Variants in CLEC2A observed in about 807,000 individuals in gnomAD.
CLEC2A encodes the protein C-type lectin domain family 2 member A.
CLEC2A carries 19 observed loss-of-function variants against 18.6 expected under a neutral mutation model. That is an observed-to-expected ratio of 1.02 (90% CI 0.71 to 1.50). The LOEUF (loss-of-function observed/expected upper bound fraction) is 1.50. Ranked by LOEUF, CLEC2A falls within the 40% of genes most tolerant of loss-of-function variation. CLEC2A has a pLI of 0.00. For missense variants in CLEC2A, 190 were observed against 207.9 expected (o/e 0.91, Z 0.53); for synonymous variants, 74 against 64.0 (o/e 1.16, Z -0.75).
chr12:9,895,618 T>C, downstream of CLEC2A: 1 of 1,386,750 alleles, frequency 7.2e-7, no homozygotes, highest in Non-Finnish European at 9.5e-7. Flanking sequence ...AAAGTTTGGC[T>C]GGAGAAAACT....
intron 4 of CLEC2A, among the ~76,000 whole-genome samples, chr12:9,906,337 G>A (rs569375927): frequency 3.9e-5 from 6 of 152,170 alleles, no homozygotes; most frequent in Admixed American, 6.5e-5. Flanking sequence ...GCACTTCAGA[G>A]GAAATAGCAG....
intron 4 of CLEC2A, among the ~76,000 whole-genome samples, chr12:9,914,151 C>G (rs1485781046): frequency 2.6e-5 from 4 of 152,146 alleles, no homozygotes; most frequent in African/African-American, 9.7e-5. Flanking sequence ...TTACTTGGTA[C>G]TTTTGAAACA....
At chr12:9,880,333 C>T in the CLEC2A span, among the ~76,000 whole-genome samples, 355 of 152,196 alleles carry the variant, frequency 2.3e-3, 10 homozygotes, top group East Asian at 0.061. Flanking sequence ...AGAATGGACG[C>T]GGCGTGTGTA....
chr12:9,881,595 G>A, the CLEC2A span: 2 of 1,529,152 alleles, frequency 1.3e-6, no homozygotes, highest in Non-Finnish European at 8.8e-7. Context: ...CATTTGAAGA[G>A]ATGGAGAATG....
downstream of CLEC2A, among the ~76,000 whole-genome samples, chr12:9,909,501 G>A (rs1026997875): frequency 5.9e-5 from 9 of 152,104 alleles, no homozygotes; most frequent in African/African-American, 1.7e-4. Context: ...ATTGATCACC[G>A]ACCTGATCTG....
intron 4 of CLEC2A, among the ~76,000 whole-genome samples, chr12:9,901,432 T>A (rs905786567): frequency 3.9e-5 from 6 of 152,330 alleles, no homozygotes; most frequent in Admixed American, 2.6e-4. Flanking sequence ...TAACCTAACA[T>A]AACAACTTTA....
the CLEC2A span, chr12:9,893,310 A>G: frequency 1.2e-6 from 1 of 861,482 alleles, no homozygotes; most frequent in Non-Finnish European, 1.7e-6. Context: ...TTCATGAAAA[A>G]AATGCTAATG....
At chr12:9,897,513 A>T (rs1184294419), downstream of CLEC2A, among the ~76,000 whole-genome samples, 2 of 151,828 alleles carry the variant, frequency 1.3e-5, no homozygotes, top group African/African-American at 4.8e-5. Flanking sequence ...ACGTGGACAC[A>T]TTGAAAAGTG....
chr12:9,887,944 T>C, the CLEC2A span, among the ~76,000 whole-genome samples: 2 of 149,528 alleles, frequency 1.3e-5, no homozygotes, highest in African/African-American at 4.9e-5. Context: ...TACTCCCAAC[T>C]ACTTGGGAAG....
the CLEC2A span, among the ~76,000 whole-genome samples, chr12:9,888,467 G>T: frequency 6.6e-6 from 1 of 151,530 alleles, no homozygotes; most frequent in African/African-American, 2.4e-5. Flanking sequence ...TGCAGCCTGG[G>T]CAACAGAGTG....
chr12:9,880,507 C>G, the CLEC2A span, among the ~76,000 whole-genome samples: 2 of 150,838 alleles, frequency 1.3e-5, no homozygotes, highest in East Asian at 3.9e-4. Context: ...GTAGCAGAAA[C>G]AGAACCATTA....
At chr12:9,904,525 G>T (rs1216324221) in intron 4 of CLEC2A, among the ~76,000 whole-genome samples, 1 of 152,136 alleles carries the variant, frequency 6.6e-6, no homozygotes, top group East Asian at 1.9e-4. Context: ...TAGTTGGGTG[G>T]TTCTAGAGAT....
intron 2 of CLEC2A, among the ~76,000 whole-genome samples, chr12:9,922,807 G>A (rs1289067648): frequency 1.3e-5 from 2 of 152,150 alleles, no homozygotes; most frequent in East Asian, 3.8e-4. Flanking sequence ...TTCAGAATAA[G>A]ACAAGTCCAT....
chr12:9,927,978 A>G (rs1469366077), intron 1 of CLEC2A, among the ~76,000 whole-genome samples: 1 of 152,198 alleles, frequency 6.6e-6, no homozygotes, highest in African/African-American at 2.4e-5. Context: ...TGAGAAAAAA[A>G]GGCTTTACCA....
intron 3 of CLEC2A, among the ~76,000 whole-genome samples, chr12:9,921,173 T>A (rs4763383): frequency 0.33 from 50,034 of 152,062 alleles, 9,243 homozygotes; most frequent in Non-Finnish European, 0.41. Flanking sequence ...TGAGATTATA[T>A]AGTTTCAGTG....
chr12:9,894,861 T>C (rs943415796), downstream of CLEC2A, among the ~76,000 whole-genome samples: 1 of 152,030 alleles, frequency 6.6e-6, no homozygotes, highest in Non-Finnish European at 1.5e-5. Flanking sequence ...TTATAATTAA[T>C]ATTATTTTTT....
At chr12:9,926,417 T>C in intron 1 of CLEC2A, 74 bp from the exon 2 acceptor site, 1 of 877,970 alleles carries the variant, frequency 1.1e-6, no homozygotes, top group Non-Finnish European at 1.8e-6. Context: ...GGTGTATTCC[T>C]CTCCTATAAT....
At chr12:9,885,874 T>C in the CLEC2A span, among the ~76,000 whole-genome samples, 1 of 152,080 alleles carries the variant, frequency 6.6e-6, no homozygotes. Context: ...TGAATCTATC[T>C]AAGTAGGTAT....
chr12:9,894,002 G>A (rs1413406495), downstream of CLEC2A, among the ~76,000 whole-genome samples: 1 of 151,854 alleles, frequency 6.6e-6, no homozygotes, highest in Non-Finnish European at 1.5e-5. Context: ...AACTAAACTT[G>A]TTGATATCCA....
Sources: allele counts gnomAD v4.1 joint callset (sites outside exome capture counted in the v4.1 genomes callset), GRCh38; gene constraint gnomAD v4.1.1; transcripts MANE v1.5; gene names NCBI Gene and HGNC (gene_info 2026-07-23, HGNC 2026-07-21).